Variants in SETDB1 observed in about 807,000 individuals in gnomAD.
The protein encoded by SETDB1 is histone-lysine N-methyltransferase SETDB1.
In SETDB1, 31 loss-of-function variants were observed where a neutral mutation model predicts 137.4. The observed-to-expected ratio is 0.23, with a 90% CI of 0.17 to 0.30. The LOEUF (loss-of-function observed/expected upper bound fraction) is 0.30, where lower values mean the gene tolerates loss of function less well. SETDB1 is among the 10% of genes least tolerant of loss of function. The probability of loss-of-function intolerance (pLI) is 1.00; values close to 1 mark genes in which losing one functional copy is unlikely to be tolerated. For missense variants in SETDB1, 1,113 were observed against 1,631.5 expected (o/e 0.68, Z 5.47); for synonymous variants, 548 against 579.9 (o/e 0.95, Z 0.79).
chr1:150,935,691 A>G (rs1217308661), intron 3 of SETDB1, among the ~76,000 whole-genome samples: 1 of 152,060 alleles, frequency 6.6e-6, no homozygotes, highest in African/African-American at 2.4e-5. Flanking sequence ...TGGAATTTCT[A>G]TTTGGTTCCT....
intron 14 of SETDB1, among the ~76,000 whole-genome samples, chr1:150,953,284 C>T (rs947902870): frequency 7.9e-5 from 12 of 151,778 alleles, no homozygotes; most frequent in African/African-American, 2.4e-5. Context: ...CAGCACTTTT[C>T]GAGGCTGAGG....
At chr1:150,946,597 C>T (rs1285292488) in intron 9 of SETDB1, among the ~76,000 whole-genome samples, 5 of 151,544 alleles carry the variant, frequency 3.3e-5, no homozygotes, top group East Asian at 3.9e-4. Context: ...TACAGGCATG[C>T]GCCACCACAC....
At chr1:150,957,191 T>TG (rs934820284) in intron 14 of SETDB1, among the ~76,000 whole-genome samples, 2 of 150,926 alleles carry the variant, frequency 1.3e-5, no homozygotes, top group Non-Finnish European at 2.9e-5. Flanking sequence ...CTGGCCAACA[T>TG]GGTAAAACCC....
intron 3 of SETDB1, among the ~76,000 whole-genome samples, chr1:150,933,032 A>G (rs1558011670): frequency 2.0e-5 from 3 of 149,406 alleles, no homozygotes; most frequent in African/African-American, 7.4e-5. Flanking sequence ...TACTTTGTAT[A>G]ATTTTAGTCT....
At chr1:150,939,034 G>A (rs1670045188) in intron 3 of SETDB1, among the ~76,000 whole-genome samples, 1 of 151,826 alleles carries the variant, frequency 6.6e-6, no homozygotes, top group Non-Finnish European at 1.5e-5. Flanking sequence ...TGCCTCCTTG[G>A]TTCAAGCGAT....
At position 150,950,546 on chromosome 1, in the gene SETDB1, C is replaced by T. The variant is rs1279777522; in HGVS notation, c.1672C>T (p.Arg558Trp). 8 of 1,614,000 alleles carry T rather than the reference C, an allele frequency of 5.0e-6. No homozygotes were observed. The highest frequency in any genetic ancestry group is 6.8e-6 in the Non-Finnish European group (8 of 1,179,928). ...APPVFHGMLE[R>W]APAEPSYRAP... ...CCCAGTCTTCCATGGCATGCTGGAG[C>T]GGGCCCCAGCAGAGCCCTCCTACCG... The change falls in exon 13 of 22, where the codon CGG becomes TGG. Residue 558 changes from arginine to tryptophan, a missense_variant. Transcript: ENST00000692827.
intron 3 of SETDB1, among the ~76,000 whole-genome samples, chr1:150,931,409 C>A (rs1216375331): frequency 6.6e-6 from 1 of 151,192 alleles, no homozygotes; most frequent in Non-Finnish European, 1.5e-5. Context: ...CACGGTGAAA[C>A]CCCATCTCTA....
chr1:150,934,433 G>A (rs1669884627), intron 3 of SETDB1, among the ~76,000 whole-genome samples: 1 of 151,970 alleles, frequency 6.6e-6, no homozygotes, highest in African/African-American at 2.4e-5. Flanking sequence ...AGATCGCACC[G>A]CTGCACTCCA....
Position 150,945,409 on chromosome 1 carries a change from C to T in SETDB1, c.1140+301C>T, listed in dbSNP as rs1276171096. The T allele has an allele frequency of 6.1e-6, 5 of 820,602 alleles. No homozygotes were observed. In the African/African-American group the frequency reaches 8.7e-5, roughly 14 times the overall value. The allele number at this position is 820,602 out of a possible 1,614,324, so 50.8% of individuals were successfully genotyped here. On this transcript the variant is annotated intron_variant, in intron 9 of 21. Coordinates refer to ENST00000692827, the MANE Select transcript of SETDB1 (RefSeq NM_001366418.1). ...GAAAGGGCAGCCAATTCCATTTTTC[C>T]AGGGTTAAGGTTTTAGTAGGATAGT...
At chr1:150,940,923 G>A (rs1216798126) in intron 4 of SETDB1, among the ~76,000 whole-genome samples, 3 of 151,558 alleles carry the variant, frequency 2.0e-5, no homozygotes, top group South Asian at 2.1e-4. Flanking sequence ...GCTTGAACCC[G>A]AGAGGCAGAG....
rs1670436484 is a variant in SETDB1 at position 150,949,522 on chromosome 1, A to G, written c.1580A>G (p.Tyr527Cys). 2 of 1,613,766 alleles carry G rather than the reference A, an allele frequency of 1.2e-6. No homozygotes were observed. Among genetic ancestry groups the G allele is most frequent in the Admixed American group, 1.7e-5 (1 of 59,954 alleles). Residue 527 changes from tyrosine (Y) to cysteine (C), a missense_variant, in exon 12 of 22, where the codon TAT becomes TGT. Physicochemically the swap from Tyr to Cys is radical, Grantham distance 194. Around this residue, in one of 11 missense-constraint regions of SETDB1, gnomAD observed 192 missense variants for 198.1 expected, o/e 0.97. Coordinates refer to ENST00000692827, the MANE Select transcript of SETDB1 (RefSeq NM_001366418.1). The part of the protein sequence containing the change: ...SGGKPGINQT[Y>C]RSPLGSTASA... The stretch of plus-strand genomic sequence containing the variant: ...GGGAAACCTGGGATCAACCAGACAT[A>G]TAGGTGAGAAAATCTGAGGCTCTCT...
At position 150,964,382 on chromosome 1, in the gene SETDB1, A is replaced by C. The variant is rs1314492848; in HGVS notation, c.*18A>C. 1.3e-6 allele frequency: 2 copies of C among 1,571,240 alleles called. No homozygotes were observed. The highest frequency in any genetic ancestry group is 1.8e-6 in the Non-Finnish European group (2 of 1,141,522). ...TTCTTTAGAGGACAGCCTTCTTCCCAACCCTTCTTGAACTGTCGTTTCCTC... is the reference window on the plus strand; with the variant it reads ...TTCTTTAGAGGACAGCCTTCTTCCCCACCCTTCTTGAACTGTCGTTTCCTC... On this transcript the variant is annotated 3_prime_UTR_variant, in exon 22 of 22. Transcript: ENST00000692827.
At chr1:150,959,134 C>G in intron 14 of SETDB1, 44 bp from the exon 15 acceptor site, 1 of 1,401,716 alleles carries the variant, frequency 7.1e-7, no homozygotes, top group East Asian at 2.6e-5. Context: ...TTTTTGTGCT[C>G]TAGTGATCAT....
intron 3 of SETDB1, among the ~76,000 whole-genome samples, chr1:150,931,120 C>T (rs1295111438): frequency 1.3e-5 from 2 of 151,746 alleles, no homozygotes; most frequent in Admixed American, 1.3e-4. Flanking sequence ...ATTAGCCAGG[C>T]ATGGTGGTGC....
At position 150,927,867 on chromosome 1, in the gene SETDB1, G is replaced by A; in HGVS notation, c.153G>A (p.Met51Ile). 6.2e-7 allele frequency: 1 copy of A among 1,614,164 alleles called. No individual in the cohort carries two copies. Among genetic ancestry groups the A allele is most frequent in the Non-Finnish European group, 8.5e-7 (1 of 1,180,028 alleles). Residue 51 changes from methionine to isoleucine, a missense_variant, in exon 2 of 22, where the codon ATG (methionine) becomes ATA (isoleucine). Physicochemically the swap from Met to Ile is conservative, Grantham distance 10. Transcript: ENST00000692827. ...TCATCGATGAGGAACTGGAGAAGAT[G>A]GATTGTGTACAGCAACGCAAGAAGC... ...RHFIDEELEK[M>I]DCVQQRKKQL... is the part of the protein sequence containing the mutation.
intron 18 of SETDB1, 30 bp from the exon 19 acceptor site, chr1:150,962,944 C>T (rs764413695): frequency 5.0e-6 from 8 of 1,607,642 alleles, no homozygotes; most frequent in Non-Finnish European, 5.1e-6. Flanking sequence ...CCATTTACTT[C>T]TCTTACTTCT....
intron 9 of SETDB1, 118 bp from the exon 10 acceptor site, chr1:150,946,768 T>A: frequency 8.2e-7 from 1 of 1,215,376 alleles, no homozygotes; most frequent in South Asian, 1.4e-5. Context: ...ACTAAGGAAT[T>A]TAAGGCTCAT....
At position 150,963,652 on chromosome 1, in the gene SETDB1, C is replaced by A. The variant is rs764341148; in HGVS notation, c.3583C>A (p.Arg1195Ser). ...GGACAAGGGGGAGAGCGCACCTGTT[C>A]GTAAGAACACACGCCAATTCTATGA... is the stretch of plus-strand genomic sequence containing the variant. Reference protein sequence around the residue: ...SVDKGESAPVRKNTRQFYDGE... With the variant: ...SVDKGESAPVSKNTRQFYDGE... Residue 1195 changes from arginine (R) to serine (S), a missense_variant, in exon 20 of 22, where the codon CGT becomes AGT. Arg to Ser is a moderately radical substitution (Grantham distance 110, BLOSUM62 -1). Transcript: ENST00000692827. 6.2e-7 allele frequency: 1 copy of A among 1,614,126 alleles called. No homozygotes were observed. Among genetic ancestry groups the A allele is most frequent in the Non-Finnish European group, 8.5e-7 (1 of 1,180,028 alleles).
chr1:150,929,414 T>A (rs1222576190), intron 2 of SETDB1, among the ~76,000 whole-genome samples: 1 of 151,800 alleles, frequency 6.6e-6, no homozygotes, highest in Non-Finnish European at 1.5e-5. Context: ...ACTTGCTCTG[T>A]CTCACCCAGG....
Sources: allele counts gnomAD v4.1 joint callset (sites outside exome capture counted in the v4.1 genomes callset), GRCh38; gene constraint gnomAD v4.1.1; regional missense constraint gnomAD v4.1.1; transcripts MANE v1.5; gene names NCBI Gene and HGNC (gene_info 2026-07-23, HGNC 2026-07-21).